Variants in FREM3 observed in about 807,000 individuals in gnomAD.
FREM3 encodes FRAS1-related extracellular matrix protein 3.
A neutral mutation model predicts 129.1 loss-of-function variants in FREM3; 105 were observed. The observed-to-expected ratio is 0.81, with a 90% CI of 0.69 to 0.96. The LOEUF (loss-of-function observed/expected upper bound fraction) is 0.96, where lower values mean the gene tolerates loss of function less well. Ranked by LOEUF, FREM3 falls within the 40% of genes least tolerant of loss-of-function variation. The pLI is 0.00. For synonymous variants in FREM3, 1,014 were observed against 1,044.9 expected (o/e 0.97, Z 0.57); for missense variants, 2,593 against 2,666.3 (o/e 0.97, Z 0.61).
intron 2 of FREM3, among the ~76,000 whole-genome samples, chr4:143,645,812 A>G (rs1164794932): frequency 1.3e-5 from 2 of 152,206 alleles, no homozygotes; most frequent in African/African-American, 4.8e-5. Context: ...CAACTAGTAT[A>G]GCTACTATGA....
At chr4:143,656,542 G>A (rs1739604158) in intron 2 of FREM3, among the ~76,000 whole-genome samples, 1 of 152,144 alleles carries the variant, frequency 6.6e-6, no homozygotes, top group Non-Finnish European at 1.5e-5. Context: ...ATTAGGCTAA[G>A]TGACAGAAAC....
intron 6 of FREM3, among the ~76,000 whole-genome samples, chr4:143,589,521 T>A (rs2149834484): frequency 6.6e-6 from 1 of 152,294 alleles, no homozygotes; most frequent in Admixed American, 6.5e-5. Context: ...TGCTTGTTTT[T>A]CTCAGGTTTG....
intron 2 of FREM3, among the ~76,000 whole-genome samples, chr4:143,685,285 T>A (rs1740339930): frequency 6.6e-6 from 1 of 152,090 alleles, no homozygotes; most frequent in Admixed American, 6.6e-5. Flanking sequence ...ACCTATCAGA[T>A]TAACAGCAGA....
At chr4:143,581,417 G>A (rs1738140571) in intron 7 of FREM3, among the ~76,000 whole-genome samples, 1 of 151,758 alleles carries the variant, frequency 6.6e-6, no homozygotes, top group South Asian at 2.1e-4. Context: ...ACGAAGAGGA[G>A]CTCAGTTTCT....
intron 5 of FREM3, among the ~76,000 whole-genome samples, chr4:143,619,780 ACTATTAAAGTTT>A (rs1446540636): frequency 6.6e-6 from 1 of 152,154 alleles, no homozygotes; most frequent in Non-Finnish European, 1.5e-5. Context: ...TCAAGGCCCT[ACTATTAAAGTTT>A]CCATCTGCCA....
intron 2 of FREM3, among the ~76,000 whole-genome samples, chr4:143,650,347 C>T (rs980651): frequency 0.5 from 75,807 of 152,042 alleles, 19,688 homozygotes; most frequent in East Asian, 0.71. Context: ...TATACTTGAC[C>T]TTCCCCACAG....
At chr4:143,591,885 G>A (rs1451856651) in intron 6 of FREM3, among the ~76,000 whole-genome samples, 1 of 152,170 alleles carries the variant, frequency 6.6e-6, no homozygotes, top group Non-Finnish European at 1.5e-5. Context: ...AAGTCTCTTT[G>A]TAGGTCACTA....
chr4:143,618,903 T>TC (rs1474264609), intron 5 of FREM3, among the ~76,000 whole-genome samples: 1 of 151,470 alleles, frequency 6.6e-6, no homozygotes, highest in African/African-American at 2.4e-5. Flanking sequence ...CTCAAAATCC[T>TC]CCCCCAACCT....
rs114030028 is a variant in FREM3 at position 143,658,173 on chromosome 4, C to T, written c.5276-30413G>A. Reference sequence around the variant, plus strand: ...GTACTGTGGTCTGAACATTTGTGTCCCCTTCAAATTCAGATGTTACTATTC... The same window carrying T: ...GTACTGTGGTCTGAACATTTGTGTCTCCTTCAAATTCAGATGTTACTATTC... On this transcript the variant is annotated intron_variant, in intron 2 of 7. Transcript: ENST00000329798. Among the ~76,000 whole-genome samples, 604 of 152,216 alleles carry T rather than the reference C, an allele frequency of 4.0e-3. 5 individuals carry two copies. The highest frequency in any genetic ancestry group is 0.014 in the African/African-American group (585 of 41,514).
intron 2 of FREM3, among the ~76,000 whole-genome samples, chr4:143,655,703 T>C (rs1347244334): frequency 6.6e-6 from 1 of 152,142 alleles, no homozygotes; most frequent in Non-Finnish European, 1.5e-5. Context: ...AAAAAATAAA[T>C]TCATTTCATC....
intron 2 of FREM3, among the ~76,000 whole-genome samples, chr4:143,676,159 T>C (rs529033133): frequency 1.3e-5 from 2 of 152,074 alleles, no homozygotes; most frequent in East Asian, 1.9e-4. Context: ...ACTGGCAAAC[T>C]GAATCCAGCA....
intron 2 of FREM3, among the ~76,000 whole-genome samples, chr4:143,662,539 C>CG: frequency 1.2e-5 from 1 of 85,374 alleles, no homozygotes; most frequent in East Asian, 4.7e-4. Flanking sequence ...AGGTGTGGTG[C>CG]GGAAAAAAAT....
chr4:143,678,890 AT>A (rs764499993), intron 2 of FREM3, among the ~76,000 whole-genome samples: 52 of 152,312 alleles, frequency 3.4e-4, no homozygotes, highest in Non-Finnish European at 5.6e-4. Flanking sequence ...TAATAAGAAC[AT>A]ATTTTAAGTA....
At chr4:143,693,293 A>G (rs924629645) in intron 1 of FREM3, 91 bp from the exon 2 acceptor site, 7 of 500,216 alleles carry the variant, frequency 1.4e-5, no homozygotes, top group African/African-American at 1.2e-4. Flanking sequence ...AGGCATAGAA[A>G]TACTCCAATT....
At chr4:143,588,425 G>A (rs1395382867) in intron 6 of FREM3, among the ~76,000 whole-genome samples, 2 of 149,124 alleles carry the variant, frequency 1.3e-5, no homozygotes, top group African/African-American at 5.0e-5. Context: ...CCCAGTGTGT[G>A]ATGTTCTCCT....
intron 2 of FREM3, among the ~76,000 whole-genome samples, chr4:143,690,017 T>TAAAAAAAAAA (rs34995101): frequency 1.5e-5 from 2 of 136,562 alleles, no homozygotes; most frequent in Non-Finnish European, 3.1e-5. Flanking sequence ...ATGGAAAAAT[T>TAAAAAAAAAA]AAAAAAAAAA....
chr4:143,683,858 G>T (rs1740303964), intron 2 of FREM3, among the ~76,000 whole-genome samples: 1 of 152,144 alleles, frequency 6.6e-6, no homozygotes, highest in Non-Finnish European at 1.5e-5. Context: ...CAGTTTGCGT[G>T]GGAGCTGGCT....
intron 2 of FREM3, among the ~76,000 whole-genome samples, chr4:143,630,149 A>C (rs924756033): frequency 1.3e-5 from 2 of 152,134 alleles, no homozygotes; most frequent in Non-Finnish European, 2.9e-5. Context: ...TCATCTGTAA[A>C]TGTGATAATA....
At chr4:143,628,918 C>T (rs1490464809) in intron 2 of FREM3, among the ~76,000 whole-genome samples, 1 of 152,038 alleles carries the variant, frequency 6.6e-6, no homozygotes, top group Non-Finnish European at 1.5e-5. Flanking sequence ...AGTCGAGTAG[C>T]TTTGAAGAGC....
Sources: gnomAD v4.1 joint callset for allele counts (sites outside exome capture counted in the v4.1 genomes callset) on GRCh38, gnomAD v4.1.1 for gene constraint, MANE v1.5 for transcripts, NCBI Gene and HGNC (gene_info 2026-07-23, HGNC 2026-07-21) for gene names.